Variants in ATXN1 observed in about 807,000 individuals in gnomAD.
The protein encoded by ATXN1 is ataxin 1, also known as ataxin-1.
A neutral mutation model predicts 56.4 loss-of-function variants in ATXN1; 8 were observed. The ratio of observed to expected loss-of-function variants is 0.14; its 90% CI spans 0.08 to 0.26. ATXN1 has a LOEUF of 0.26. Among genes scored for constraint, ATXN1 ranks in the 10% least tolerant of loss-of-function variants. The pLI, the probability that ATXN1 is intolerant of heterozygous loss-of-function variation, is 1.00. For missense variants in ATXN1, 987 were observed against 1,106.5 expected (o/e 0.89, Z 1.53); for synonymous variants, 514 against 494.6 (o/e 1.04, Z -0.52).
At chr6:16,578,400 C>T (rs1212255737) in intron 4 of ATXN1, among the ~76,000 whole-genome samples, 1 of 152,182 alleles carries the variant, frequency 6.6e-6, no homozygotes, top group Non-Finnish European at 1.5e-5. Flanking sequence ...CGCTCATATC[C>T]TAATATTTAT....
intron 6 of ATXN1, among the ~76,000 whole-genome samples, chr6:16,382,594 T>A (rs1021124782): frequency 1.3e-5 from 2 of 152,214 alleles, no homozygotes; most frequent in Admixed American, 6.5e-5. Flanking sequence ...ACTATTTTTT[T>A]AAATCCAAAA....
intron 4 of ATXN1, among the ~76,000 whole-genome samples, chr6:16,539,179 TA>T (rs1761664848): frequency 6.6e-6 from 1 of 152,236 alleles, no homozygotes; most frequent in Non-Finnish European, 1.5e-5. Context: ...TGATCCAGCT[TA>T]AATGTATAGC....
chr6:16,735,375 C>T (rs1203945132), intron 2 of ATXN1, among the ~76,000 whole-genome samples: 2 of 152,052 alleles, frequency 1.3e-5, no homozygotes, highest in East Asian at 1.9e-4. Flanking sequence ...TGTTTCTGAT[C>T]GCAAATAAAT....
intron 2 of ATXN1, among the ~76,000 whole-genome samples, chr6:16,741,081 G>C (rs577627643): frequency 6.6e-6 from 1 of 152,274 alleles, no homozygotes; most frequent in East Asian, 1.9e-4. Flanking sequence ...AGAAAATCAG[G>C]TTTACAGCAC....
chr6:16,549,210 T>C (rs1028069286), intron 4 of ATXN1, among the ~76,000 whole-genome samples: 8 of 152,012 alleles, frequency 5.3e-5, no homozygotes, highest in African/African-American at 1.9e-4. Flanking sequence ...ATCAAAAGTA[T>C]AGTATAGTAA....
intron 4 of ATXN1, among the ~76,000 whole-genome samples, chr6:16,575,391 G>A (rs915902602): frequency 1.3e-5 from 2 of 152,140 alleles, no homozygotes; most frequent in Non-Finnish European, 2.9e-5. Context: ...TTCTGCTGCA[G>A]GGAAGAGTCA....
At chr6:16,472,967 G>C (rs1489503758) in intron 6 of ATXN1, among the ~76,000 whole-genome samples, 5 of 152,122 alleles carry the variant, frequency 3.3e-5, no homozygotes, top group South Asian at 4.1e-4. Flanking sequence ...GGAAGATTAG[G>C]TCCTGGGTTT....
In ATXN1 at chr6:16,410,087, C is replaced by T. The variant is rs573458624; in HGVS notation, c.-161+75885G>A. Among the ~76,000 whole-genome samples, 81 of 152,330 alleles carry T rather than the reference C, an allele frequency of 5.3e-4. No homozygotes were observed. The highest frequency in any genetic ancestry group is 1.9e-3 in the African/African-American group (79 of 41,578). ...TGAGCTGAACGACCGTCGTGATAGG[C>T]TTGGCAGAGGATGAAGCAGAGGGTG... is the stretch of plus-strand genomic sequence containing the variant. On this transcript the variant is annotated intron_variant, in intron 6 of 7. Transcript: ENST00000436367. The surrounding 1 kb of genome is among the most constrained non-coding windows in gnomAD (Gnocchi z 4.6).
intron 6 of ATXN1, among the ~76,000 whole-genome samples, chr6:16,444,690 C>T (rs1309612522): frequency 6.6e-6 from 1 of 152,144 alleles, no homozygotes; most frequent in Non-Finnish European, 1.5e-5. Flanking sequence ...AGTTTCTCTT[C>T]ATGAACAATA....
intron 5 of ATXN1, among the ~76,000 whole-genome samples, chr6:16,492,482 G>A (rs1760688206): frequency 1.3e-5 from 2 of 150,240 alleles, no homozygotes; most frequent in Admixed American, 6.6e-5. Context: ...AAATAAATAG[G>A]TGTTGTTTAA....
chr6:16,553,204 T>G (rs1355456286), intron 4 of ATXN1, among the ~76,000 whole-genome samples: 2 of 152,218 alleles, frequency 1.3e-5, no homozygotes, highest in Admixed American at 1.3e-4. Context: ...CAAGCATACA[T>G]TCCAAATACT....
chr6:16,473,906 G>T (rs1476788687), intron 6 of ATXN1, among the ~76,000 whole-genome samples: 1 of 152,122 alleles, frequency 6.6e-6, no homozygotes, highest in East Asian at 1.9e-4. Context: ...TTCCTGAATT[G>T]TCTAGGCTAA....
chr6:16,549,498 A>G (rs939538130), intron 4 of ATXN1, among the ~76,000 whole-genome samples: 6 of 152,232 alleles, frequency 3.9e-5, no homozygotes, highest in South Asian at 2.1e-4. Flanking sequence ...GTAAAAAGCC[A>G]TAAGTGAGGG....
At chr6:16,398,913 CA>C (rs1426879382) in intron 6 of ATXN1, among the ~76,000 whole-genome samples, 12 of 152,180 alleles carry the variant, frequency 7.9e-5, no homozygotes, top group Non-Finnish European at 1.5e-5. Context: ...CTTTGGCTTT[CA>C]GAAAAAGTTG....
chr6:16,730,487 G>GTGTATTATATATATATATATATATA (rs141836403), intron 2 of ATXN1, among the ~76,000 whole-genome samples: 2 of 132,060 alleles, frequency 1.5e-5, no homozygotes, highest in Non-Finnish European at 3.3e-5. Flanking sequence ...AAAACAGTAT[G>GTGTATTATATATATATATATATATA]TATATATATA....
chr6:16,603,133 C>T (rs1446613916), intron 3 of ATXN1, among the ~76,000 whole-genome samples: 1 of 152,168 alleles, frequency 6.6e-6, no homozygotes, highest in African/African-American at 2.4e-5. Context: ...CCTAGAGTCA[C>T]CTCACTGGGA....
chr6:16,658,758 G>A (rs1389598058), intron 2 of ATXN1, among the ~76,000 whole-genome samples: 1 of 152,198 alleles, frequency 6.6e-6, no homozygotes, highest in Non-Finnish European at 1.5e-5. Flanking sequence ...AAAGGTGTCT[G>A]CCTCCTTTTT....
Position 16,326,696 on chromosome 6 carries a change from C to A in ATXN1, c.1615G>T (p.Val539Phe). The A allele has an allele frequency of 2.5e-6, 4 of 1,613,306 alleles. No individual in the cohort carries two copies. Among genetic ancestry groups the A allele is most frequent in the Non-Finnish European group, 3.4e-6 (4 of 1,180,000 alleles). The change falls in exon 7 of 8, where the codon GTC (valine) becomes TTC (phenylalanine). Residue 539 changes from valine (V) to phenylalanine (F), a missense_variant. Val to Phe is a conservative substitution (Grantham distance 50, BLOSUM62 -1). Around this residue, in one of 3 missense-constraint regions of ATXN1, gnomAD observed 723 missense variants for 791.7 expected, o/e 0.91. Transcript: ENST00000436367. This position sits in a 1 kb window ranked among gnomAD's most constrained non-coding sequence, Gnocchi z 6.6. ...ATGGCTGGGTAGGCGGCCTGGGTGA[C>A]CAGGGCCTCAGGGTTGAAGTTCTCG... is the stretch of plus-strand genomic sequence containing the variant. ...KSENFNPEAL[V>F]TQAAYPAMVQ...
At chr6:16,694,476 T>C (rs149016130) in intron 2 of ATXN1, among the ~76,000 whole-genome samples, 3 of 152,156 alleles carry the variant, frequency 2.0e-5, no homozygotes, top group Non-Finnish European at 2.9e-5. Context: ...CTCGTCACAA[T>C]TGTCCCTTCT....
Sources: gnomAD v4.1 joint callset for allele counts (sites outside exome capture counted in the v4.1 genomes callset) on GRCh38, gnomAD v4.1.1 for gene constraint, gnomAD v4.1.1 regional missense constraint, Gnocchi (gnomAD v3.1) non-coding constraint, MANE v1.5 for transcripts, NCBI Gene and HGNC (gene_info 2026-07-23, HGNC 2026-07-21) for gene names.